SPEF2: variants seen among roughly 807,000 people sequenced by gnomAD.
SPEF2 encodes the protein sperm flagella and cilia-associated protein 2.
Under a neutral mutation model 224.6 loss-of-function variants are expected in SPEF2, and 187 were observed. The ratio of observed to expected loss-of-function variants is 0.83; its 90% CI spans 0.74 to 0.94. The LOEUF (loss-of-function observed/expected upper bound fraction) is 0.94. Ranked by LOEUF, SPEF2 falls within the 40% of genes least tolerant of loss-of-function variation. The probability of loss-of-function intolerance (pLI) is 0.00; values close to 1 mark genes in which losing one functional copy is unlikely to be tolerated. For synonymous variants in SPEF2, 715 were observed against 707.3 expected, an observed-to-expected ratio of 1.01 and a Z score of -0.17; for missense variants, 2,170 against 2,135.6, an observed-to-expected ratio of 1.02 and a Z score of -0.32.
At chr5:35,746,623 GA>G (rs34507822) in intron 23 of SPEF2, among the ~76,000 whole-genome samples, 80,300 of 151,762 alleles carry the variant, frequency 0.53, 24,207 homozygotes, top group Middle Eastern at 0.69. Flanking sequence ...CAAAGACAAT[GA>G]AAAAAGAAAA....
chr5:35,809,027 C>T (rs1014789960), intron 36 of SPEF2, among the ~76,000 whole-genome samples: 1 of 151,960 alleles, frequency 6.6e-6, no homozygotes, highest in Non-Finnish European at 1.5e-5. Flanking sequence ...CAGTAACTCC[C>T]TGACCTTAAC....
intron 6 of SPEF2, among the ~76,000 whole-genome samples, chr5:35,653,520 G>A (rs186573955): frequency 2.0e-5 from 3 of 152,244 alleles, no homozygotes; most frequent in Non-Finnish European, 4.4e-5. Context: ...CTGCTGTTGC[G>A]AGCTGTGCCT....
At chr5:35,698,223 G>A (rs1434279723) in intron 15 of SPEF2, 2 of 157,856 alleles carry the variant, frequency 1.3e-5, no homozygotes, top group Admixed American at 6.4e-5. Flanking sequence ...AGACAACTTA[G>A]AGTAGGTAAG....
intron 2 of SPEF2, 77 bp downstream of exon 2, chr5:35,628,639 T>C: frequency 1.0e-6 from 1 of 992,230 alleles, no homozygotes; most frequent in Non-Finnish European, 1.6e-6. Context: ...TTACTGAGAC[T>C]GGAGTGCAGT....
At chr5:35,805,441 A>G (rs1320745714) in intron 34 of SPEF2, among the ~76,000 whole-genome samples, 1 of 152,160 alleles carries the variant, frequency 6.6e-6, no homozygotes, top group African/African-American at 2.4e-5. Context: ...TGCACAATCT[A>G]TAGACTTGAT....
At chr5:35,670,437 G>T in intron 10 of SPEF2, 1 of 1,192,248 alleles carries the variant, frequency 8.4e-7, no homozygotes, top group Non-Finnish European at 1.0e-6. Flanking sequence ...TAATCTTAGG[G>T]GAGTGGTCTG....
chr5:35,686,559 G>A (rs769106464), intron 10 of SPEF2, among the ~76,000 whole-genome samples: 1 of 152,002 alleles, frequency 6.6e-6, no homozygotes, highest in African/African-American at 2.4e-5. Context: ...TGTTATGACA[G>A]AACTATTACA....
chr5:35,646,078 C>A (rs1028526583), intron 4 of SPEF2, among the ~76,000 whole-genome samples: 1 of 152,044 alleles, frequency 6.6e-6, no homozygotes, highest in Non-Finnish European at 1.5e-5. Flanking sequence ...AATACATTCT[C>A]CTGCTTATAG....
chr5:35,794,055 T>C (rs951639722), intron 32 of SPEF2, among the ~76,000 whole-genome samples: 4 of 152,188 alleles, frequency 2.6e-5, no homozygotes, highest in Admixed American at 1.3e-4. Context: ...AGAGAAATTT[T>C]GGTGGAATAA....
intron 21 of SPEF2, among the ~76,000 whole-genome samples, chr5:35,731,881 C>A (rs1367259195): frequency 1.3e-5 from 2 of 152,106 alleles, no homozygotes; most frequent in African/African-American, 4.8e-5. Context: ...GCTGGAAGAA[C>A]CTACAGATAT....
At chr5:35,650,489 A>T (rs115445191) in intron 6 of SPEF2, among the ~76,000 whole-genome samples, 2,069 of 152,206 alleles carry the variant, frequency 0.014, 29 homozygotes, top group South Asian at 0.053. Context: ...CCATCTCTCT[A>T]ACCATAGGCT....
chr5:35,775,358 G>T (rs1301228629), intron 28 of SPEF2, among the ~76,000 whole-genome samples: 1 of 152,168 alleles, frequency 6.6e-6, no homozygotes, highest in Non-Finnish European at 1.5e-5. Flanking sequence ...GGAATTGGAA[G>T]ACTATGGATA....
Position 35,800,080 on chromosome 5 carries a change from C to T in SPEF2, c.4943C>T (p.Ala1648Val), listed in dbSNP as rs780931806. Residue 1648 changes from alanine (A) to valine (V), a missense_variant, in exon 34 of 37, where the codon GCC becomes GTC. Transcript: ENST00000356031. The part of the protein sequence containing the change: ...HPDTVEGVYR[A>V]LSVAVGTHVF... ...GACACCGTGGAAGGAGTCTACAGGG[C>T]CCTCAGTGTGGCTGTTGGAACTCAT... 3.7e-6 allele frequency: 6 copies of T among 1,613,982 alleles called. No homozygotes were observed. Among genetic ancestry groups the T allele is most frequent in the Non-Finnish European group, 5.1e-6 (6 of 1,180,024 alleles).
intron 36 of SPEF2, chr5:35,807,600 C>G: frequency 1.3e-6 from 2 of 1,509,298 alleles, no homozygotes; most frequent in East Asian, 2.5e-5. Flanking sequence ...TGATCTCCAG[C>G]CAAGTGCTGA....
intron 31 of SPEF2, among the ~76,000 whole-genome samples, chr5:35,792,867 T>G (rs1756152701): frequency 6.6e-6 from 1 of 152,232 alleles, no homozygotes; most frequent in Admixed American, 6.5e-5. Flanking sequence ...ATAATTTTTG[T>G]CTCTCTTCTG....
In SPEF2 at chr5:35,731,125, T is replaced by C. The variant is rs1404622283; in HGVS notation, c.3063+3302T>C. On this transcript the variant is annotated intron_variant, in intron 21 of 36. Transcript: ENST00000356031. The stretch of plus-strand genomic sequence containing the variant: ...GTAGTTACATTGTCTAAGAAGATAA[T>C]AGAAGACTGAAAATGGAAACCCAGC... Among the ~76,000 whole-genome samples the C allele has an allele frequency of 5.9e-5, 9 of 152,228 alleles. No homozygotes were observed. In the East Asian group the frequency reaches 9.7e-4, roughly 16 times the overall value.
intron 20 of SPEF2, among the ~76,000 whole-genome samples, chr5:35,715,701 A>T (rs1281388980): frequency 6.6e-6 from 1 of 152,002 alleles, no homozygotes; most frequent in African/African-American, 2.4e-5. Context: ...TCTGCCTTCT[A>T]ATTCCTCTCC....
chr5:35,788,108 T>C, intron 30 of SPEF2: 1 of 703,008 alleles, frequency 1.4e-6, no homozygotes. Flanking sequence ...TAGGACTGAA[T>C]TTCTCAATGC....
chr5:35,751,096 C>CACACACACACACACACACACACACACAT (rs1554048857), intron 23 of SPEF2, among the ~76,000 whole-genome samples: 1 of 30,626 alleles, frequency 3.3e-5, no homozygotes, highest in Admixed American at 4.2e-4. Context: ...CACACACACA[C>CACACACACACACACACACACACACACAT]ATATATATAT....
Sources: allele counts gnomAD v4.1 joint callset (sites outside exome capture counted in the v4.1 genomes callset), GRCh38; gene constraint gnomAD v4.1.1; transcripts MANE v1.5; gene names NCBI Gene and HGNC (gene_info 2026-07-23, HGNC 2026-07-21).